Variants in RPS6KC1 observed in about 807,000 individuals in gnomAD.
RPS6KC1 encodes the protein ribosomal protein S6 kinase C1, also known as inactive ribosomal protein S6 kinase delta-1.
RPS6KC1 carries 54 observed loss-of-function variants against 103.8 expected under a neutral mutation model. The ratio of observed to expected loss-of-function variants is 0.52; its 90% confidence interval spans 0.42 to 0.65. The LOEUF is 0.65. Ranked by LOEUF, RPS6KC1 falls within the 30% of genes least tolerant of loss-of-function variation. The pLI, the probability that RPS6KC1 is intolerant of heterozygous loss-of-function variation, is 0.00. For synonymous variants in RPS6KC1, 439 were observed against 438.7 expected (o/e 1.00, Z -0.01); for missense variants, 1,151 against 1,253.8 (o/e 0.92, Z 1.24).
the RPS6KC1 span, among the ~76,000 whole-genome samples, chr1:213,284,360 CA>C: frequency 1.3e-5 from 2 of 151,706 alleles, no homozygotes; most frequent in Non-Finnish European, 2.9e-5. Context: ...TACTAAAGTA[CA>C]AAAAAACCGA....
At chr1:213,470,440 C>T in the RPS6KC1 span, among the ~76,000 whole-genome samples, 1 of 152,108 alleles carries the variant, frequency 6.6e-6, no homozygotes, top group Admixed American at 6.5e-5. Context: ...AAGGATACTT[C>T]ATGGATGATG....
the RPS6KC1 span, among the ~76,000 whole-genome samples, chr1:213,766,726 C>A: frequency 6.6e-6 from 1 of 152,084 alleles, no homozygotes; most frequent in Non-Finnish European, 1.5e-5. Flanking sequence ...CATTCTCATA[C>A]CTCCCTGATT....
At chr1:213,199,439 A>G (rs1386484678) in intron 8 of RPS6KC1, among the ~76,000 whole-genome samples, 1 of 152,226 alleles carries the variant, frequency 6.6e-6, no homozygotes, top group Non-Finnish European at 1.5e-5. Flanking sequence ...TTTTGATAAA[A>G]TTCAACATTT....
At chr1:213,836,581 T>A in the RPS6KC1 span, among the ~76,000 whole-genome samples, 2 of 151,962 alleles carry the variant, frequency 1.3e-5, no homozygotes, top group African/African-American at 2.4e-5. Flanking sequence ...AAAGAGTAAG[T>A]GTCCTCTCAC....
intron 4 of RPS6KC1, 42 bp from the exon 5 acceptor site, chr1:213,117,275 G>A (rs774325401): frequency 1.9e-6 from 2 of 1,053,102 alleles, no homozygotes; most frequent in Non-Finnish European, 2.8e-6. Flanking sequence ...TGTTGTTTAT[G>A]CTCTTAATGC....
At chr1:213,330,906 C>T in the RPS6KC1 span, among the ~76,000 whole-genome samples, 1 of 152,062 alleles carries the variant, frequency 6.6e-6, no homozygotes, top group African/African-American at 2.4e-5. Flanking sequence ...ATCACTAAAG[C>T]AAGAGGAGAT....
the RPS6KC1 span, among the ~76,000 whole-genome samples, chr1:213,615,074 G>A: frequency 2.6e-5 from 4 of 152,168 alleles, no homozygotes; most frequent in South Asian, 2.1e-4. Flanking sequence ...CTATTCCTAT[G>A]TGTGATGTGC....
chr1:213,224,112 ATAT>A (rs1184443823), intron 8 of RPS6KC1, among the ~76,000 whole-genome samples: 2 of 152,168 alleles, frequency 1.3e-5, no homozygotes, highest in African/African-American at 4.8e-5. Flanking sequence ...TCTCTTCTCC[ATAT>A]TATTTTTCTT....
the RPS6KC1 span, among the ~76,000 whole-genome samples, chr1:213,748,539 G>A: frequency 6.6e-6 from 1 of 152,148 alleles, no homozygotes; most frequent in Non-Finnish European, 1.5e-5. Context: ...CTACAATTAT[G>A]GAGAGAAGTA....
the RPS6KC1 span, among the ~76,000 whole-genome samples, chr1:213,736,680 A>G: frequency 6.6e-6 from 1 of 152,088 alleles, no homozygotes; most frequent in African/African-American, 2.4e-5. Flanking sequence ...CATCATTCCA[A>G]CCTTACTGGG....
the RPS6KC1 span, among the ~76,000 whole-genome samples, chr1:213,348,979 A>G: frequency 6.6e-6 from 1 of 152,228 alleles, no homozygotes; most frequent in Non-Finnish European, 1.5e-5. Flanking sequence ...CATGGAAATA[A>G]CATAACCACA....
At chr1:213,463,971 A>G in the RPS6KC1 span, among the ~76,000 whole-genome samples, 2 of 152,308 alleles carry the variant, frequency 1.3e-5, no homozygotes, top group East Asian at 3.9e-4. Context: ...CTACTGAGAT[A>G]CTTATATTGA....
the RPS6KC1 span, among the ~76,000 whole-genome samples, chr1:213,344,057 G>C: frequency 2.0e-5 from 3 of 152,014 alleles, no homozygotes; most frequent in Non-Finnish European, 4.4e-5. Flanking sequence ...CTCCCACATA[G>C]CTTTTCTAAA....
At chr1:213,569,683 T>C in the RPS6KC1 span, among the ~76,000 whole-genome samples, 1 of 152,204 alleles carries the variant, frequency 6.6e-6, no homozygotes, top group African/African-American at 2.4e-5. Context: ...CCTGAGGTAA[T>C]ATAACAGCTA....
intron 4 of RPS6KC1, among the ~76,000 whole-genome samples, chr1:213,114,040 T>A (rs1225754238): frequency 6.6e-6 from 1 of 151,590 alleles, no homozygotes; most frequent in African/African-American, 2.4e-5. Flanking sequence ...CTTGGCGATG[T>A]GGGCTCTTTT....
chr1:213,284,395 C>A, the RPS6KC1 span, among the ~76,000 whole-genome samples: 7 of 150,516 alleles, frequency 4.7e-5, no homozygotes, highest in Non-Finnish European at 7.4e-5. Context: ...CACCTGTAAT[C>A]TCAGCTACTC....
chr1:213,840,610 A>G, the RPS6KC1 span: 8 of 152,184 alleles, frequency 5.3e-5, no homozygotes, highest in Non-Finnish European at 1.2e-4. Flanking sequence ...CCTGAAACAG[A>G]AGAAAAAATG....
chr1:213,629,602 A>G, the RPS6KC1 span, among the ~76,000 whole-genome samples: 4 of 151,970 alleles, frequency 2.6e-5, no homozygotes, highest in African/African-American at 9.7e-5. Context: ...TAATATTGTT[A>G]TGTGTGAATT....
the RPS6KC1 span, among the ~76,000 whole-genome samples, chr1:213,530,053 A>ATTATTATTAT: frequency 1.3e-5 from 2 of 151,074 alleles, no homozygotes; most frequent in African/African-American, 4.9e-5. Context: ...TATTATTATT[A>ATTATTATTAT]TTATTATTAT....
Sources: gnomAD v4.1 joint callset for allele counts (sites outside exome capture counted in the v4.1 genomes callset) on GRCh38, gnomAD v4.1.1 for gene constraint, MANE v1.5 for transcripts, NCBI Gene and HGNC (gene_info 2026-07-23, HGNC 2026-07-21) for gene names.